GNRHR: variants seen among roughly 807,000 people sequenced by gnomAD.
The protein encoded by GNRHR is gonadotropin releasing hormone receptor.
Under a neutral mutation model 28.1 loss-of-function variants are expected in GNRHR, and 14 were observed. The observed-to-expected ratio is 0.50, with a 90% confidence interval of 0.33 to 0.78. The LOEUF (loss-of-function observed/expected upper bound fraction) is 0.78, where lower values mean the gene tolerates loss of function less well. GNRHR is among the 30% of genes least tolerant of loss of function. The pLI is 0.02. For synonymous variants in GNRHR, 141 were observed against 140.5 expected (o/e 1.00, Z -0.02); for missense variants, 366 against 382.1 (o/e 0.96, Z 0.35).
chr4:67,753,775 G>T (rs766173734), intron 1 of GNRHR, 39 bp downstream of exon 1: 1 of 1,521,560 alleles, frequency 6.6e-7, no homozygotes, highest in Non-Finnish European at 9.1e-7. Context: ...GGAAATCTAT[G>T]ATCACCATAT....
chr4:67,750,207 C>T (rs747697487), intron 1 of GNRHR, among the ~76,000 whole-genome samples: 2 of 152,104 alleles, frequency 1.3e-5, no homozygotes, highest in Non-Finnish European at 2.9e-5. Flanking sequence ...ATCTCACACT[C>T]ATGCCACTTT....
At chr4:67,748,059 A>T (rs1000668448) in intron 1 of GNRHR, among the ~76,000 whole-genome samples, 2 of 151,964 alleles carry the variant, frequency 1.3e-5, no homozygotes, top group African/African-American at 4.8e-5. Context: ...ATTTTGGTAT[A>T]TTTCTCCTCT....
Position 67,754,055 on chromosome 4 carries a change from A to G in GNRHR, c.281T>C (p.Val94Ala), listed in dbSNP as rs367560743. 116 of 1,614,012 alleles carry G rather than the reference A, an allele frequency of 7.2e-5. No individual in the cohort carries two copies. Among genetic ancestry groups the G allele is most frequent in the Non-Finnish European group, 8.4e-5 (99 of 1,179,952 alleles). ...GTTCCACATCCCATCCAGTGGCATG[A>G]CAATCAGAGTCTCCAACAGGTTGGC... ...TLANLLETLI[V>A]MPLDGMWNIT... Residue 94 changes from valine (V) to alanine (A), a missense_variant, in exon 1 of 3, where the codon GTC becomes GCC. Transcript: ENST00000226413.
chr4:67,754,306 A>C lies in GNRHR; in HGVS notation c.30T>G (p.Asn10Lys). The stretch of plus-strand genomic sequence containing the variant: ...TGTTGATGGCTGAACAGTGATTTTG[A>C]TTCTGTTCAGGAGAGGCACTGTTTG... Reference protein sequence around the residue: MANSASPEQNQNHCSAINNS... With the variant: MANSASPEQKQNHCSAINNS... Residue 10 changes from asparagine (N) to lysine (K), a missense_variant, in exon 1 of 3, where the codon AAT (asparagine) becomes AAG (lysine). Transcript: ENST00000226413. 10 of 1,611,932 alleles carry C rather than the reference A, an allele frequency of 6.2e-6. No individual in the cohort carries two copies. Among genetic ancestry groups the C allele is most frequent in the Non-Finnish European group, 8.5e-6 (10 of 1,179,654 alleles).
intron 1 of GNRHR, among the ~76,000 whole-genome samples, chr4:67,746,620 G>A (rs560025338): frequency 6.6e-6 from 1 of 151,698 alleles, no homozygotes; most frequent in Admixed American, 6.6e-5. Flanking sequence ...AAGCAAATGA[G>A]GGATTCCATT....
chr4:67,749,689 TC>T (rs1731831622), intron 1 of GNRHR, among the ~76,000 whole-genome samples: 1 of 150,366 alleles, frequency 6.7e-6, no homozygotes, highest in East Asian at 2.1e-4. Context: ...CTGCCTCCTT[TC>T]CTTCGTTCCT....
intron 1 of GNRHR, among the ~76,000 whole-genome samples, chr4:67,746,659 A>G (rs1394662561): frequency 1.3e-5 from 2 of 151,964 alleles, no homozygotes; most frequent in Non-Finnish European, 2.9e-5. Flanking sequence ...GAATTAGAAA[A>G]TTTTAATTAC....
chr4:67,753,243 A>T (rs899637477), intron 1 of GNRHR, among the ~76,000 whole-genome samples: 2 of 152,116 alleles, frequency 1.3e-5, no homozygotes, highest in Non-Finnish European at 2.9e-5. Context: ...CTTTTCTTCT[A>T]TATTCAGTCC....
At position 67,739,464 on chromosome 4, in the gene GNRHR, C is replaced by T. The variant is rs1731615272; in HGVS notation, c.*1016G>A. ...CAAGATCTTTCCCTCCTTCCCCTGA[C>T]ATGTTCTGTCTTCTTTGATCTGTAC... On this transcript the variant is annotated 3_prime_UTR_variant, in exon 3 of 3. Transcript: ENST00000226413. 1 of 152,072 alleles carries T rather than the reference C, an allele frequency of 6.6e-6. No individual in the cohort carries two copies. Among genetic ancestry groups the T allele is most frequent in the Non-Finnish European group, 1.5e-5 (1 of 67,952 alleles). 9.4% of individuals were successfully genotyped at this position (152,072 alleles called of 1,614,324 possible). A position where few individuals can be genotyped will look rare whatever the true frequency, so the allele number is the denominator to read the frequency against.
At chr4:67,745,049 CGTT>C (rs1417649296) in intron 1 of GNRHR, among the ~76,000 whole-genome samples, 1 of 152,060 alleles carries the variant, frequency 6.6e-6, no homozygotes, top group Non-Finnish European at 1.5e-5. Flanking sequence ...AGGATTTAAA[CGTT>C]GTTTGTATTT....
In GNRHR at chr4:67,752,799, GTT is replaced by G. The variant is rs138040976; in HGVS notation, c.522+1013_522+1014del. ...GCTATATAGTGAGTTCTGCATGGCA[GTT>G]TTTTTTTGTTGTTGTTGTTTTTTAA... On this transcript the variant is annotated intron_variant, in intron 1 of 2. Coordinates refer to ENST00000226413, the MANE Select transcript of GNRHR (RefSeq NM_000406.3). 1.4e-3 allele frequency among the ~76,000 whole-genome samples: 174 copies of G among 123,340 alleles called. 1 individual carries two copies. The highest frequency in any genetic ancestry group is 4.1e-3 in the African/African-American group (144 of 35,500). 80.9% of individuals were successfully genotyped at this position (123,340 alleles called of 152,430 possible). A position where few individuals can be genotyped will look rare whatever the true frequency, so the allele number is the denominator to read the frequency against.
intron 1 of GNRHR, among the ~76,000 whole-genome samples, chr4:67,752,226 AG>A (rs1265713341): frequency 3.4e-5 from 5 of 146,898 alleles, no homozygotes; most frequent in African/African-American, 1.3e-4. Flanking sequence ...TTCTTTTTTG[AG>A]ACAGGTTCTC....
intron 2 of GNRHR, among the ~76,000 whole-genome samples, chr4:67,743,172 G>A (rs570308252): frequency 2.0e-5 from 3 of 152,114 alleles, no homozygotes; most frequent in East Asian, 3.9e-4. Flanking sequence ...GGCTGGCCTC[G>A]AACTCCTGAC....
Position 67,744,521 on chromosome 4 carries a change from T to TC in GNRHR, c.742+46_742+47insG, listed in dbSNP as rs776094193. On this transcript the variant is annotated intron_variant, in intron 2 of 2. Transcript: ENST00000226413. ...CATGCCACTCTGTTTTGAGCATTGC[T>TC]ATTTAAAAACTGCCCACAAATGACA... The TC allele has an allele frequency of 7.5e-6, 8 of 1,069,856 alleles. No homozygotes were observed. The South Asian group carries it at 7.5e-5, about 10-fold the overall frequency. The allele number at this position is 1,069,856 out of a possible 1,614,324, so 66.3% of individuals were successfully genotyped here.
At chr4:67,747,736 T>C (rs1731781309) in intron 1 of GNRHR, among the ~76,000 whole-genome samples, 1 of 152,154 alleles carries the variant, frequency 6.6e-6, no homozygotes. Flanking sequence ...AGCAACTCTT[T>C]GGTAAAATAA....
rs184230255 is a variant in GNRHR at position 67,738,964 on chromosome 4, G to C, written c.*1516C>G. Among the ~76,000 whole-genome samples the C allele has an allele frequency of 6.6e-6, 1 of 152,054 alleles. No homozygotes were observed. ...GTATGAGAGGAGAAAATCAAAGAAA[G>C]AAAGGACGTGCCATTAGTTGGCAAT... On this transcript the variant is annotated 3_prime_UTR_variant, in exon 3 of 3. Coordinates refer to ENST00000226413, the MANE Select transcript of GNRHR (RefSeq NM_000406.3).
chr4:67,740,897 A>G (rs1374837862), intron 2 of GNRHR, among the ~76,000 whole-genome samples, 173 bp from the exon 3 acceptor site: 8 of 152,198 alleles, frequency 5.3e-5, no homozygotes, highest in African/African-American at 9.6e-5. Flanking sequence ...GTTTTCCACT[A>G]TGTCACATAA....
intron 1 of GNRHR, among the ~76,000 whole-genome samples, chr4:67,752,087 T>C (rs2109986998): frequency 6.6e-6 from 1 of 152,336 alleles, no homozygotes; most frequent in Middle Eastern, 3.4e-3. Context: ...TTTTACTATC[T>C]ATTCTCTTTG....
intron 2 of GNRHR, among the ~76,000 whole-genome samples, chr4:67,742,170 T>C (rs1035845189): frequency 6.6e-6 from 1 of 152,212 alleles, no homozygotes; most frequent in Non-Finnish European, 1.5e-5. Flanking sequence ...TCTTCTAGAA[T>C]CTTTATGGTT....
Sources: gnomAD v4.1 joint callset for allele counts (sites outside exome capture counted in the v4.1 genomes callset) on GRCh38, gnomAD v4.1.1 for gene constraint, MANE v1.5 for transcripts, NCBI Gene and HGNC (gene_info 2026-07-23, HGNC 2026-07-21) for gene names.